Variants in AK5 observed in about 807,000 individuals in gnomAD.
The protein encoded by AK5 is adenylate kinase 5.
A neutral mutation model predicts 69.5 loss-of-function variants in AK5; 27 were observed. The ratio of observed to expected loss-of-function variants is 0.39; its 90% confidence interval spans 0.29 to 0.54. The LOEUF (loss-of-function observed/expected upper bound fraction) is 0.54, where lower values mean the gene tolerates loss of function less well. Among genes scored for constraint, AK5 ranks in the 20% least tolerant of loss-of-function variants. The pLI is 0.71. For missense variants in AK5, 531 were observed against 700.4 expected (o/e 0.76, Z 2.73); for synonymous variants, 260 against 244.4 (o/e 1.06, Z -0.60).
At chr1:77,491,475 T>A (rs551810302) in intron 10 of AK5, among the ~76,000 whole-genome samples, 2 of 152,028 alleles carry the variant, frequency 1.3e-5, no homozygotes, top group South Asian at 4.2e-4. Flanking sequence ...CCCGGCTAAT[T>A]TTTGTGTTTT....
intron 8 of AK5, among the ~76,000 whole-genome samples, chr1:77,478,161 C>A (rs1220465762): frequency 2.0e-5 from 3 of 152,190 alleles, no homozygotes; most frequent in South Asian, 4.1e-4. Flanking sequence ...ACAAGTTCCT[C>A]ATCCATGAGG....
chr1:77,495,911 A>C (rs1656285010), intron 10 of AK5, among the ~76,000 whole-genome samples: 1 of 152,238 alleles, frequency 6.6e-6, no homozygotes, highest in Non-Finnish European at 1.5e-5. Context: ...TTCATCTGTT[A>C]GGTATATATG....
chr1:77,518,724 C>T lies in AK5; in HGVS notation c.1308C>T (p.Pro436=), dbSNP rs1244916690. 4 of 1,613,974 alleles carry T rather than the reference C, an allele frequency of 2.5e-6. No individual in the cohort carries two copies. The highest frequency in any genetic ancestry group is 1.1e-5 in the South Asian group (1 of 91,054). ...TTATGGAACGTGGAGACCTGGTGCC[C>T]TCAGTAAGCAACATGGCCTGACCCA... ...RDIMERGDLV[P]SGIVLELLKE... The change falls in exon 11 of 14, where the codon CCC becomes CCT. Residue 436 remains proline (P), a synonymous_variant. Coordinates refer to ENST00000354567, the MANE Select transcript of AK5 (RefSeq NM_174858.3).
intron 1 of AK5, among the ~76,000 whole-genome samples, chr1:77,284,542 T>C (rs78310816): frequency 8.7e-4 from 132 of 152,372 alleles, no homozygotes; most frequent in African/African-American, 3.1e-3. Flanking sequence ...ATATCTCTGG[T>C]ACGTTCATGT....
intron 8 of AK5, among the ~76,000 whole-genome samples, chr1:77,470,849 ATATATATATATATATATATATATATAT>A (rs1325537273): frequency 1.5e-3 from 3 of 2,066 alleles, no homozygotes; most frequent in Admixed American, 4.4e-3. Context: ...ATATATATAT[ATATATATATATATATATATATATATAT>A]TTTTTTTTTT....
rs908757267 is a variant in AK5, at chr1:77,302,217, A to G, written c.699+4270A>G. Among the ~76,000 whole-genome samples the G allele has an allele frequency of 1.6e-3, 6 of 3,852 alleles. No individual in the cohort carries two copies. In the South Asian group the frequency reaches 0.025, roughly 16 times the overall value. The allele number at this position is 3,852 out of a possible 152,430, so 2.5% of individuals were successfully genotyped here. A position where few individuals can be genotyped will look rare whatever the true frequency, so the allele number is the denominator to read the frequency against. ...ACTGGCTGAGACCTATTTTAAGTTA[A>G]AAAAAAAATGCCTTTTTTTGGCTAG... On this transcript the variant is annotated intron_variant, in intron 5 of 13. Coordinates refer to ENST00000354567, the MANE Select transcript of AK5 (RefSeq NM_174858.3).
At position 77,559,688 on chromosome 1, in the gene AK5, T is replaced by C. The variant is rs1185975823; in HGVS notation, c.*1018T>C. The C allele has an allele frequency of 6.6e-6, 1 of 152,330 alleles. No individual in the cohort carries two copies. The highest frequency in any genetic ancestry group is 1.5e-5 in the Non-Finnish European group (1 of 68,024). The allele number at this position is 152,330 out of a possible 1,614,324, so 9.4% of individuals were successfully genotyped here. The stretch of plus-strand genomic sequence containing the variant: ...GTTTGCAAACCTTGTCATACCCATA[T>C]GCAAAACTGTGTTTCCTTGCATTAA... On this transcript the variant is annotated 3_prime_UTR_variant, in exon 14 of 14. Transcript: ENST00000354567.
Position 77,455,952 on chromosome 1 carries a change from T to C in AK5, c.1060-27365T>C, listed in dbSNP as rs151243433. Among the ~76,000 whole-genome samples the C allele has an allele frequency of 2.0e-5, 3 of 152,224 alleles. No homozygotes were observed. The East Asian group carries it at 5.8e-4, about 29-fold the overall frequency. ...AGATCAAAAGCACCAGGAGTGGTGG[T>C]CTCCAAAATGTAAGAAAGTATGATT... is the stretch of plus-strand genomic sequence containing the variant. On this transcript the variant is annotated intron_variant, in intron 8 of 13. Transcript: ENST00000354567.
chr1:77,406,231 T>C (rs1649622503), intron 6 of AK5, among the ~76,000 whole-genome samples: 1 of 151,868 alleles, frequency 6.6e-6, no homozygotes, highest in African/African-American at 2.4e-5. Flanking sequence ...TTCAAGACAC[T>C]GGACATCAAG....
chr1:77,486,512 A>G (rs915723825), intron 10 of AK5, among the ~76,000 whole-genome samples, 160 bp downstream of exon 10: 24 of 152,012 alleles, frequency 1.6e-4, no homozygotes, highest in East Asian at 9.7e-4. Context: ...TGGCTAACAC[A>G]GTGAAACCCC....
chr1:77,491,431 C>T (rs1051514418), intron 10 of AK5, among the ~76,000 whole-genome samples: 2 of 151,624 alleles, frequency 1.3e-5, no homozygotes, highest in African/African-American at 4.8e-5. Context: ...CTCAGCCTCC[C>T]GAGTAGCTGG....
At chr1:77,350,020 A>G (rs1327317804) in intron 6 of AK5, among the ~76,000 whole-genome samples, 3 of 152,200 alleles carry the variant, frequency 2.0e-5, no homozygotes, top group Admixed American at 2.0e-4. Flanking sequence ...CTCAACAGCT[A>G]TCTGTTGACA....
At chr1:77,389,214 A>G (rs1307454142) in intron 6 of AK5, among the ~76,000 whole-genome samples, 1 of 152,220 alleles carries the variant, frequency 6.6e-6, no homozygotes, top group East Asian at 1.9e-4. Flanking sequence ...TTGATGTGAT[A>G]CACTATTGGT....
At chr1:77,390,158 C>A (rs1444825632) in intron 6 of AK5, among the ~76,000 whole-genome samples, 1 of 152,074 alleles carries the variant, frequency 6.6e-6, no homozygotes, top group Non-Finnish European at 1.5e-5. Flanking sequence ...AGTAAGAGAC[C>A]TGCAGAATAT....
At chr1:77,322,615 GAT>G (rs1660593853) in intron 5 of AK5, among the ~76,000 whole-genome samples, 1 of 152,142 alleles carries the variant, frequency 6.6e-6, no homozygotes, top group Non-Finnish European at 1.5e-5. Context: ...GGTAGCTACT[GAT>G]CTCATTTTGT....
intron 10 of AK5, among the ~76,000 whole-genome samples, chr1:77,498,216 G>A (rs1656472914): frequency 2.0e-5 from 3 of 152,184 alleles, no homozygotes; most frequent in African/African-American, 4.8e-5. Context: ...AAAATTGTCT[G>A]TGGGGTTTGG....
chr1:77,524,423 G>A (rs1006423806), intron 12 of AK5, among the ~76,000 whole-genome samples: 1 of 152,142 alleles, frequency 6.6e-6, no homozygotes, highest in African/African-American at 2.4e-5. Flanking sequence ...TACCGACAAT[G>A]CGTGAGAATT....
chr1:77,545,591 C>G (rs1262164832), intron 13 of AK5, among the ~76,000 whole-genome samples: 1 of 152,176 alleles, frequency 6.6e-6, no homozygotes, highest in African/African-American at 2.4e-5. Context: ...CTATTTTAAG[C>G]AAAGGCTGAT....
At chr1:77,424,659 C>A (rs111450674) in intron 8 of AK5, among the ~76,000 whole-genome samples, 70 of 152,080 alleles carry the variant, frequency 4.6e-4, no homozygotes, top group Non-Finnish European at 1.5e-4. Flanking sequence ...TAATAGACTG[C>A]ACATGGCTGG....
Sources: allele counts gnomAD v4.1 joint callset (sites outside exome capture counted in the v4.1 genomes callset), GRCh38; gene constraint gnomAD v4.1.1; transcripts MANE v1.5; gene names NCBI Gene and HGNC (gene_info 2026-07-23, HGNC 2026-07-21).